The following TSPAN7 variants were observed in gnomAD, a reference collection of about 807,000 sequenced individuals.
The protein encoded by TSPAN7 is tetraspanin-7.
In TSPAN7, 1 loss-of-function variant was observed where a neutral mutation model predicts 17.6. That is an observed-to-expected ratio of 0.06 (90% CI 0.02 to 0.27). The LOEUF (loss-of-function observed/expected upper bound fraction) is 0.27. Among genes scored for constraint, TSPAN7 ranks in the 10% least tolerant of loss-of-function variants. The pLI is 1.00. For missense variants in TSPAN7, 112 were observed against 201.7 expected, an observed-to-expected ratio of 0.56 and a Z score of 2.69; for synonymous variants, 78 against 79.0, an observed-to-expected ratio of 0.99 and a Z score of 0.07.
intron 1 of TSPAN7, among the ~76,000 whole-genome samples, chrX:38,571,237 A>C (rs1268270541): frequency 1.8e-5 from 2 of 111,079 alleles, no homozygotes; most frequent in African/African-American, 6.5e-5. Flanking sequence ...GGTACTGGTG[A>C]ACAGACATAG....
At chrX:38,613,973 T>G (rs777404327) in intron 1 of TSPAN7, among the ~76,000 whole-genome samples, 7 of 101,900 alleles carry the variant, frequency 6.9e-5, no homozygotes, top group East Asian at 3.1e-4. Context: ...TGGTTTGAGG[T>G]TTTTTTTTTT....
At chrX:38,669,477 A>G (rs2069806184) in intron 2 of TSPAN7, among the ~76,000 whole-genome samples, 2 of 111,584 alleles carry the variant, frequency 1.8e-5, no homozygotes, top group Admixed American at 1.9e-4. Flanking sequence ...TTCAACTCCA[A>G]TGTTTACATT....
At chrX:38,685,321 G>A (rs1463783254) in intron 6 of TSPAN7, among the ~76,000 whole-genome samples, 6 of 111,819 alleles carry the variant, frequency 5.4e-5, no homozygotes, top group Non-Finnish European at 1.1e-4. Flanking sequence ...TACAGGTTGT[G>A]GTAAATATTC....
intron 1 of TSPAN7, among the ~76,000 whole-genome samples, chrX:38,613,947 C>A (rs1482536019): frequency 5.6e-5 from 6 of 107,752 alleles, no homozygotes; most frequent in Non-Finnish European, 9.6e-5. Context: ...TGCCCATTTT[C>A]AGCTTTGGTC....
At position 38,665,960 on chromosome X, in the gene TSPAN7, AT is replaced by A. The variant is rs2069779110; in HGVS notation, c.82-157del. Reference sequence around the variant, plus strand: ...AAATAAATGAAGTGTCTTTATGATGATTTTAGTTAACACTCTCTGACATTTC... The same window carrying A: ...AAATAAATGAAGTGTCTTTATGATGATTTAGTTAACACTCTCTGACATTTC... On this transcript the variant is annotated intron_variant, in intron 1 of 7. Coordinates refer to ENST00000378482, the MANE Select transcript of TSPAN7 (RefSeq NM_004615.4). 9 of 488,448 alleles carry A rather than the reference AT, an allele frequency of 1.8e-5. No individual in the cohort carries two copies. In the South Asian group the frequency reaches 2.8e-4, roughly 15 times the overall value. 40.3% of individuals were successfully genotyped at this position (488,448 alleles called of 1,213,427 possible). A position where few individuals can be genotyped will look rare whatever the true frequency, so the allele number is the denominator to read the frequency against.
intron 1 of TSPAN7, among the ~76,000 whole-genome samples, chrX:38,611,162 T>C (rs749804755): frequency 1.8e-5 from 2 of 112,319 alleles, no homozygotes; most frequent in African/African-American, 6.5e-5. Flanking sequence ...ACATGAGAAT[T>C]TGGAAAGAGT....
chrX:38,605,767 A>C (rs1486286139), intron 1 of TSPAN7, among the ~76,000 whole-genome samples: 1 of 110,733 alleles, frequency 9.0e-6, no homozygotes, highest in Non-Finnish European at 1.9e-5. Flanking sequence ...CATATCTACA[A>C]CTATCTGATC....
At chrX:38,591,397 A>G (rs181397068) in intron 1 of TSPAN7, among the ~76,000 whole-genome samples, 74 of 111,766 alleles carry the variant, frequency 6.6e-4, no homozygotes, top group African/African-American at 2.2e-3. Flanking sequence ...CATACTTTGT[A>G]TGACTTGAAT....
At chrX:38,681,882 G>C (rs2069894827) in intron 6 of TSPAN7, among the ~76,000 whole-genome samples, 1 of 111,770 alleles carries the variant, frequency 8.9e-6, no homozygotes, top group Non-Finnish European at 1.9e-5. Context: ...AACAATGGGA[G>C]AAGTACTATG....
intron 5 of TSPAN7, among the ~76,000 whole-genome samples, chrX:38,680,646 G>A (rs1343770855): frequency 9.5e-6 from 1 of 105,773 alleles, no homozygotes; most frequent in African/African-American, 3.5e-5. Flanking sequence ...GTCTCATTAG[G>A]AAGAACCCTA....
At chrX:38,562,423 C>G (rs2069116770) in intron 1 of TSPAN7, among the ~76,000 whole-genome samples, 1 of 110,766 alleles carries the variant, frequency 9.0e-6, no homozygotes, top group Non-Finnish European at 1.9e-5. Flanking sequence ...CGCCCCAACT[C>G]TACTCCCCAT....
At chrX:38,680,310 G>GT (rs1169943944) in intron 5 of TSPAN7, among the ~76,000 whole-genome samples, 57 of 107,927 alleles carry the variant, frequency 5.3e-4, no homozygotes, top group African/African-American at 1.4e-3. Context: ...AACATGGCTG[G>GT]TTTTTTTTTT....
chrX:38,638,240 T>C (rs1160094047), intron 1 of TSPAN7, among the ~76,000 whole-genome samples: 1 of 112,365 alleles, frequency 8.9e-6, no homozygotes, highest in Non-Finnish European at 1.9e-5. Flanking sequence ...TGAAATTGTA[T>C]TGACTTACCT....
intron 1 of TSPAN7, among the ~76,000 whole-genome samples, chrX:38,661,209 G>T (rs1444749468): frequency 8.9e-6 from 1 of 112,424 alleles, no homozygotes; most frequent in Non-Finnish European, 1.9e-5. Flanking sequence ...TCCCCTAATG[G>T]CCATTTTAGG....
chrX:38,667,043 C>G (rs1260041701), intron 2 of TSPAN7, among the ~76,000 whole-genome samples: 2 of 112,014 alleles, frequency 1.8e-5, no homozygotes, highest in Non-Finnish European at 3.8e-5. Context: ...CCTCCTTGAG[C>G]CTGGCCATGC....
At chrX:38,579,519 G>C (rs1346562962) in intron 1 of TSPAN7, among the ~76,000 whole-genome samples, 3 of 111,383 alleles carry the variant, frequency 2.7e-5, no homozygotes, top group Non-Finnish European at 5.6e-5. Context: ...CTTGGAGGCA[G>C]AGGTTGCAGT....
chrX:38,590,821 C>G (rs2069286861), intron 1 of TSPAN7, among the ~76,000 whole-genome samples: 2 of 111,669 alleles, frequency 1.8e-5, no homozygotes, highest in African/African-American at 3.2e-5. Flanking sequence ...ATTGGCATAA[C>G]ATTTTTAATA....
intron 1 of TSPAN7, among the ~76,000 whole-genome samples, chrX:38,648,648 C>T (rs977356439): frequency 9.0e-6 from 1 of 111,570 alleles, no homozygotes; most frequent in Non-Finnish European, 1.9e-5. Context: ...GACAGGGTCT[C>T]GCTGTGTTGT....
chrX:38,611,046 A>G (rs1389432610), intron 1 of TSPAN7, among the ~76,000 whole-genome samples: 3 of 112,453 alleles, frequency 2.7e-5, no homozygotes, highest in Admixed American at 1.9e-4. Context: ...CATCTCAGCC[A>G]GATGGCTAAA....
Sources: allele counts gnomAD v4.1 joint callset (sites outside exome capture counted in the v4.1 genomes callset), GRCh38; gene constraint gnomAD v4.1.1; transcripts MANE v1.5; gene names NCBI Gene and HGNC (gene_info 2026-07-23, HGNC 2026-07-21).